The following ADAMTS18 variants were observed in gnomAD, a reference collection of about 807,000 sequenced individuals.
ADAMTS18 encodes the protein ADAM metallopeptidase with thrombospondin type 1 motif 18, also known as A disintegrin and metalloproteinase with thrombospondin motifs 18.
In ADAMTS18, 157 loss-of-function variants were observed where a neutral mutation model predicts 165.9. That is an observed-to-expected ratio of 0.95 (90% CI 0.83 to 1.08). The LOEUF (loss-of-function observed/expected upper bound fraction) is 1.08, where lower values mean the gene tolerates loss of function less well. ADAMTS18 is among the 50% of genes least tolerant of loss of function. The pLI is 0.00. For missense variants in ADAMTS18, 2,040 were observed against 1,534.0 expected (o/e 1.33, Z -5.51); for synonymous variants, 782 against 578.2 (o/e 1.35, Z -5.06).
chr16:77,341,506 A>G (rs369307375), intron 11 of ADAMTS18, among the ~76,000 whole-genome samples, 198 bp downstream of exon 11: 3 of 152,164 alleles, frequency 2.0e-5, no homozygotes, highest in African/African-American at 7.2e-5. Context: ...GAAAAAAAAA[A>G]TCTTCTTAAA....
intron 22 of ADAMTS18, among the ~76,000 whole-genome samples, chr16:77,288,020 G>A (rs2055288911): frequency 6.6e-6 from 1 of 152,146 alleles, no homozygotes; most frequent in African/African-American, 2.4e-5. Context: ...GGACCTCACA[G>A]CACTTTTCAC....
chr16:77,336,014 G>T, intron 11 of ADAMTS18, 110 bp from the exon 12 acceptor site: 1 of 1,275,830 alleles, frequency 7.8e-7, no homozygotes. Flanking sequence ...GGGAGAAAAG[G>T]AAAATGCCTG....
At chr16:77,313,251 A>G (rs1459753382) in intron 16 of ADAMTS18, among the ~76,000 whole-genome samples, 1 of 152,016 alleles carries the variant, frequency 6.6e-6, no homozygotes, top group East Asian at 1.9e-4. Flanking sequence ...CAATGAGAAT[A>G]CTTGGACACA....
In ADAMTS18 at chr16:77,285,719, T is replaced by A. The variant is rs1597073918; in HGVS notation, c.3551-1648A>T. ...TGGTTGTTTGAGCTTCTACTGTGAGTCAGGTATTTCATTTACACTATTGAA... is the reference window on the plus strand; with the variant it reads ...TGGTTGTTTGAGCTTCTACTGTGAGACAGGTATTTCATTTACACTATTGAA... On this transcript the variant is annotated intron_variant, in intron 22 of 22. Transcript: ENST00000282849. Among the ~76,000 whole-genome samples the A allele has an allele frequency of 2.6e-5, 4 of 152,284 alleles. No homozygotes were observed. The East Asian group carries it at 7.7e-4, about 29-fold the overall frequency.
chr16:77,421,158 C>A (rs1003160131), intron 3 of ADAMTS18, among the ~76,000 whole-genome samples: 3 of 152,164 alleles, frequency 2.0e-5, no homozygotes, highest in African/African-American at 7.2e-5. Flanking sequence ...CCAAGCTCAG[C>A]AGCATGAAAA....
chr16:77,389,580 C>A (rs1008662252), intron 3 of ADAMTS18, among the ~76,000 whole-genome samples: 3 of 152,112 alleles, frequency 2.0e-5, no homozygotes, highest in African/African-American at 7.2e-5. Flanking sequence ...CAGTTTCTTA[C>A]CAGGAAGACC....
chr16:77,307,588 C>T (rs546574472), intron 16 of ADAMTS18, among the ~76,000 whole-genome samples: 2 of 152,280 alleles, frequency 1.3e-5, no homozygotes, highest in Non-Finnish European at 2.9e-5. Context: ...TAACTGGAGG[C>T]CCCCACTTCA....
intron 3 of ADAMTS18, among the ~76,000 whole-genome samples, chr16:77,370,088 A>G (rs1362781811): frequency 2.0e-5 from 3 of 152,218 alleles, no homozygotes; most frequent in African/African-American, 7.2e-5. Context: ...TCTCAACACA[A>G]TAAAGGCCAT....
intron 3 of ADAMTS18, among the ~76,000 whole-genome samples, chr16:77,379,974 C>T (rs546470287): frequency 6.6e-6 from 1 of 152,322 alleles, no homozygotes; most frequent in East Asian, 1.9e-4. Context: ...AGTGTCTATG[C>T]ACTCTCAGTC....
chr16:77,319,979 G>A lies in ADAMTS18; in HGVS notation c.2402C>T (p.Thr801Ile). The change falls in exon 16 of 23, where the codon ACC becomes ATC. Residue 801 changes from threonine (T) to isoleucine (I), a missense_variant. By Grantham distance (89) the Thr-to-Ile change is moderately conservative. Coordinates refer to ENST00000282849, the MANE Select transcript of ADAMTS18 (RefSeq NM_199355.4). ...AGGCCAGTCGATGCTCCAGCCCCCG[G>A]TGAGGTAATACTTTTGACTGAGGCT... ...VRSLSQKYYL[T>I]GGWSIDWPGE... The A allele has an allele frequency of 4.3e-6, 7 of 1,614,180 alleles. No individual in the cohort carries two copies. The highest frequency in any genetic ancestry group is 5.9e-6 in the Non-Finnish European group (7 of 1,180,034).
At position 77,362,604 on chromosome 16, in the gene ADAMTS18, T is replaced by C. The variant is rs1056564449; in HGVS notation, c.1057-340A>G. 3.9e-5 allele frequency among the ~76,000 whole-genome samples: 6 copies of C among 152,324 alleles called. No homozygotes were observed. In the East Asian group the frequency reaches 9.6e-4, roughly 24 times the overall value. Reference sequence around the variant, plus strand: ...ATAATAAATTAATGATGAAGTTCAATGGCTTTTCCATAAAGCCTCATCATT... The same window carrying C: ...ATAATAAATTAATGATGAAGTTCAACGGCTTTTCCATAAAGCCTCATCATT... On this transcript the variant is annotated intron_variant, in intron 6 of 22. Coordinates refer to ENST00000282849, the MANE Select transcript of ADAMTS18 (RefSeq NM_199355.4).
chr16:77,351,399 G>A (rs1418955656), intron 10 of ADAMTS18, among the ~76,000 whole-genome samples: 2 of 152,094 alleles, frequency 1.3e-5, no homozygotes, highest in African/African-American at 4.8e-5. Context: ...AATATAGTGA[G>A]GTCCCAGAAA....
At chr16:77,317,937 T>C (rs1449767024) in intron 16 of ADAMTS18, among the ~76,000 whole-genome samples, 1 of 152,200 alleles carries the variant, frequency 6.6e-6, no homozygotes, top group Non-Finnish European at 1.5e-5. Flanking sequence ...ATCACTAATC[T>C]GACCAAAATA....
rs780436703 is a variant in ADAMTS18 at position 77,353,737 on chromosome 16, A to T, written c.1610T>A (p.Val537Glu). The T allele has an allele frequency of 1.2e-5, 20 of 1,614,192 alleles. No homozygotes were observed. Among genetic ancestry groups the T allele is most frequent in the Non-Finnish European group, 1.7e-5 (20 of 1,180,026 alleles). The change falls in exon 10 of 23, where the codon GTG (valine) becomes GAG (glutamate). Residue 537 changes from valine to glutamate, a missense_variant. Physicochemically the swap from Val to Glu is moderately radical, Grantham distance 121. Coordinates refer to ENST00000282849, the MANE Select transcript of ADAMTS18 (RefSeq NM_199355.4). ...AKAKLCSLGF[V>E]KDICKSLWCH... Reference sequence around the variant, plus strand: ...TGAAATCACAAGCAAACATACCTTCACAAAACCAAGGCTGCATAACTTGGC... The same window carrying T: ...TGAAATCACAAGCAAACATACCTTCTCAAAACCAAGGCTGCATAACTTGGC...
intron 8 of ADAMTS18, among the ~76,000 whole-genome samples, chr16:77,356,522 G>C (rs914228100): frequency 6.6e-6 from 1 of 152,134 alleles, no homozygotes; most frequent in East Asian, 1.9e-4. Context: ...TTTATGAACT[G>C]TTCATATATA....
chr16:77,427,950 C>T (rs2057694251), intron 3 of ADAMTS18, among the ~76,000 whole-genome samples: 2 of 152,202 alleles, frequency 1.3e-5, no homozygotes. Context: ...CTATTATAAC[C>T]ATTCTACCAT....
At chr16:77,415,223 T>G (rs1419179415) in intron 3 of ADAMTS18, among the ~76,000 whole-genome samples, 3 of 152,260 alleles carry the variant, frequency 2.0e-5, no homozygotes, top group Non-Finnish European at 4.4e-5. Context: ...ATGCGCTTAT[T>G]GCACTATGCT....
chr16:77,317,320 C>A (rs1407352152), intron 16 of ADAMTS18, among the ~76,000 whole-genome samples: 1 of 152,138 alleles, frequency 6.6e-6, no homozygotes, highest in East Asian at 1.9e-4. Flanking sequence ...GCATGTGACA[C>A]AGAGGAACGC....
intron 3 of ADAMTS18, among the ~76,000 whole-genome samples, chr16:77,394,266 G>C (rs543169171): frequency 6.6e-6 from 1 of 152,300 alleles, no homozygotes; most frequent in East Asian, 1.9e-4. Flanking sequence ...TTTGTGTCTG[G>C]AGACAGCTGG....
Sources: allele counts gnomAD v4.1 joint callset (sites outside exome capture counted in the v4.1 genomes callset), GRCh38; gene constraint gnomAD v4.1.1; transcripts MANE v1.5; gene names NCBI Gene and HGNC (gene_info 2026-07-23, HGNC 2026-07-21).